IGSF3: variants seen among roughly 807,000 people sequenced by gnomAD.
The protein encoded by IGSF3 is glu-Trp-Ile EWI motif-containing protein 3.
Under a neutral mutation model 114.4 loss-of-function variants are expected in IGSF3, and 23 were observed. The ratio of observed to expected loss-of-function variants is 0.20; its 90% CI spans 0.14 to 0.28. The LOEUF is 0.28. Ranked by LOEUF, IGSF3 falls within the 10% of genes least tolerant of loss-of-function variation. IGSF3 has a pLI of 1.00. For missense variants in IGSF3, 1,172 were observed against 1,591.5 expected, an observed-to-expected ratio of 0.74 and a Z score of 4.48; for synonymous variants, 571 against 645.2, an observed-to-expected ratio of 0.88 and a Z score of 1.74.
At chr1:116,623,614 G>A (rs903411937) in intron 2 of IGSF3, among the ~76,000 whole-genome samples, 42 of 152,196 alleles carry the variant, frequency 2.8e-4, no homozygotes, top group African/African-American at 9.2e-4. Context: ...GGAGGTTGCA[G>A]CAAGCCGAGA....
chr1:116,609,039 T>C (rs918480203), intron 4 of IGSF3, among the ~76,000 whole-genome samples: 1 of 151,914 alleles, frequency 6.6e-6, no homozygotes, highest in Non-Finnish European at 1.5e-5. Flanking sequence ...AAGTACTTAC[T>C]TTAGTAGGAA....
intron 9 of IGSF3, among the ~76,000 whole-genome samples, chr1:116,581,874 C>A (rs758296398): frequency 1.3e-5 from 2 of 152,310 alleles, no homozygotes; most frequent in Non-Finnish European, 2.9e-5. Flanking sequence ...GAGCCCCCCA[C>A]CCCATGCTTT....
chr1:116,666,196 G>T, intron 2 of IGSF3, 88 bp downstream of exon 2: 1 of 1,278,988 alleles, frequency 7.8e-7, no homozygotes, highest in Non-Finnish European at 1.1e-6. Context: ...AAATCCTAGT[G>T]TTGATGAAAA....
At chr1:116,587,207 T>C (rs1405053520) in intron 8 of IGSF3, among the ~76,000 whole-genome samples, 1 of 151,842 alleles carries the variant, frequency 6.6e-6, no homozygotes, top group African/African-American at 2.4e-5. Context: ...AGAAAACAAA[T>C]GTGTGTGTGT....
At position 116,593,249 on chromosome 1, in the gene IGSF3, A is replaced by T. The variant is rs150367244; in HGVS notation, c.2030-4145T>A. 5.9e-4 allele frequency among the ~76,000 whole-genome samples: 90 copies of T among 152,324 alleles called. 1 individual carries two copies. Among genetic ancestry groups the T allele is most frequent in the African/African-American group, 1.9e-3 (80 of 41,576 alleles). On this transcript the variant is annotated intron_variant, in intron 7 of 10. Transcript: ENST00000369486. This position sits in a 1 kb window ranked among gnomAD's most constrained non-coding sequence, Gnocchi z 4.5. ...CAACCTGCAGTCTCATGAGCCCTCC[A>T]ATTGATTCTGATGCACATTCAAGTT...
chr1:116,591,042 C>T (rs1005854880), intron 7 of IGSF3, among the ~76,000 whole-genome samples: 12 of 150,422 alleles, frequency 8.0e-5, no homozygotes, highest in Non-Finnish European at 1.5e-4. Context: ...CTGTGTGCCA[C>T]GGCCCCACCC....
Position 116,646,305 on chromosome 1 carries a change from G to A in IGSF3, c.43+19979C>T, listed in dbSNP as rs144784443. ...TCTTTTGTCCGGCTTCTGGTGAAAC[G>A]CCATTATCGTTATTTTTAGGAGGAA... On this transcript the variant is annotated intron_variant, in intron 2 of 10. Coordinates refer to ENST00000369486, the MANE Select transcript of IGSF3 (RefSeq NM_001007237.3). 2.6e-3 allele frequency among the ~76,000 whole-genome samples: 396 copies of A among 152,272 alleles called. 1 individual carries two copies. Among genetic ancestry groups the A allele is most frequent in the African/African-American group, 8.4e-3 (347 of 41,556 alleles).
At chr1:116,667,536 T>TCCCCGCC (rs1649392229) in intron 1 of IGSF3, 82 bp downstream of exon 1, 1 of 99,762 alleles carries the variant, frequency 1.0e-5, no homozygotes, top group African/African-American at 3.7e-5. Flanking sequence ...CACTCCCCGC[T>TCCCCGCC]CCCCGCTCCC....
rs564731580 is a variant in IGSF3, at chr1:116,628,974, C to T, written c.44-12517G>A. 5.3e-5 allele frequency among the ~76,000 whole-genome samples: 8 copies of T among 152,280 alleles called. No individual in the cohort carries two copies. The South Asian group carries it at 1.7e-3, about 32-fold the overall frequency. On this transcript the variant is annotated intron_variant, in intron 2 of 10. Transcript: ENST00000369486. The surrounding 1 kb of genome is among the most constrained non-coding windows in gnomAD (Gnocchi z 4.2). ...GAAGTAGAGACTAATTCTGCAGCAG[C>T]CCAGAGAAGACAACTGGGAAACAGG...
rs2101042694 is a variant in IGSF3 at position 116,633,314 on chromosome 1, GA to G, written c.44-16858del. ...ATCAACCATTCCAGGAAGTCCAGCA[GA>G]GTTGGTTTTGGTTTGGGGGTGTTTT... is the stretch of plus-strand genomic sequence containing the variant. On this transcript the variant is annotated intron_variant, in intron 2 of 10. Transcript: ENST00000369486. This position sits in a 1 kb window ranked among gnomAD's most constrained non-coding sequence, Gnocchi z 4.3. Among the ~76,000 whole-genome samples, 1 of 152,356 alleles carries G rather than the reference GA, an allele frequency of 6.6e-6. No homozygotes were observed. The highest frequency in any genetic ancestry group is 2.4e-5 in the African/African-American group (1 of 41,580).
chr1:116,615,440 G>A lies in IGSF3; in HGVS notation c.421+640C>T, dbSNP rs1165919991. Among the ~76,000 whole-genome samples the A allele has an allele frequency of 1.3e-5, 2 of 152,220 alleles. No individual in the cohort carries two copies. The highest frequency in any genetic ancestry group is 6.5e-5 in the Admixed American group (1 of 15,284). Reference sequence around the variant, plus strand: ...TGTGATAATAAAAACTGGACATTAAGATAGGCAGAAAAACAGAACAGCCTT... The same window carrying A: ...TGTGATAATAAAAACTGGACATTAAAATAGGCAGAAAAACAGAACAGCCTT... On this transcript the variant is annotated intron_variant, in intron 3 of 10. Transcript: ENST00000369486. This position sits in a 1 kb window ranked among gnomAD's most constrained non-coding sequence, Gnocchi z 4.3.
chr1:116,603,773 T>C lies in IGSF3; in HGVS notation c.1475A>G (p.Asn492Ser), dbSNP rs1391553410. Residue 492 changes from asparagine to serine, a missense_variant, in exon 6 of 11, where the codon AAC becomes AGC. Transcript: ENST00000369486. This position sits in a 1 kb window ranked among gnomAD's most constrained non-coding sequence, Gnocchi z 7.1. ...GTTGAAGATGCCCAGGCTGAACGAG[T>C]TGGGCTGCACCTGCTCCATCTGGAC... ...GGVQMEQVQP[N>S]SFSLGIFNSR... 15 of 1,613,820 alleles carry C rather than the reference T, an allele frequency of 9.3e-6. No homozygotes were observed. Among genetic ancestry groups the C allele is most frequent in the East Asian group, 6.7e-5 (3 of 44,896 alleles).
At chr1:116,623,553 G>A (rs2101028712) in intron 2 of IGSF3, among the ~76,000 whole-genome samples, 1 of 152,212 alleles carries the variant, frequency 6.6e-6, no homozygotes, top group Middle Eastern at 3.4e-3. Context: ...GGGTGTGATG[G>A]CACACGCTAT....
In IGSF3 at chr1:116,583,112, G is replaced by A. The variant is rs1659669241; in HGVS notation, c.2848+1533C>T. Among the ~76,000 whole-genome samples, 1 of 152,156 alleles carries A rather than the reference G, an allele frequency of 6.6e-6. No homozygotes were observed. The highest frequency in any genetic ancestry group is 6.5e-5 in the Admixed American group (1 of 15,278). ...TTCGCTCCATGCTTTGGTCCCTCAT[G>A]AGTAAAACCTACCACTCAGAGTTAT... On this transcript the variant is annotated intron_variant, in intron 9 of 10. Transcript: ENST00000369486. The surrounding 1 kb of genome is among the most constrained non-coding windows in gnomAD (Gnocchi z 4.5).
In IGSF3 at chr1:116,575,142, C is replaced by T. The variant is rs1042169228; in HGVS notation, c.*2170G>A. 1 of 152,660 alleles carries T rather than the reference C, an allele frequency of 6.6e-6. No homozygotes were observed. Among genetic ancestry groups the T allele is most frequent in the Non-Finnish European group, 1.5e-5 (1 of 68,036 alleles). 9.5% of individuals were successfully genotyped at this position (152,660 alleles called of 1,614,324 possible). ...AGACAGAGGAAACGCCAGTCATCTT[C>T]CCTCATTGACTCAGCCTATAAAGTA... On this transcript the variant is annotated 3_prime_UTR_variant, in exon 11 of 11. Coordinates refer to ENST00000369486, the MANE Select transcript of IGSF3 (RefSeq NM_001007237.3). The surrounding 1 kb of genome is among the most constrained non-coding windows in gnomAD (Gnocchi z 5.6).
At position 116,624,414 on chromosome 1, in the gene IGSF3, T is replaced by C. The variant is rs1227031727; in HGVS notation, c.44-7957A>G. On this transcript the variant is annotated intron_variant, in intron 2 of 10. Coordinates refer to ENST00000369486, the MANE Select transcript of IGSF3 (RefSeq NM_001007237.3). This position sits in a 1 kb window ranked among gnomAD's most constrained non-coding sequence, Gnocchi z 4.9. ...TTTCCTCATCTGTAAAGTGGTATAA[T>C]TGTCACAGCGTTATGGAAGGATTAA... Among the ~76,000 whole-genome samples the C allele has an allele frequency of 6.6e-6, 1 of 152,186 alleles. No homozygotes were observed. The highest frequency in any genetic ancestry group is 1.9e-4 in the East Asian group (1 of 5,188).
chr1:116,626,695 G>A (rs539450398), intron 2 of IGSF3, among the ~76,000 whole-genome samples: 21 of 152,074 alleles, frequency 1.4e-4, no homozygotes, highest in Middle Eastern at 6.8e-3. Context: ...CCCACTTCCC[G>A]CCCTTCTATT....
At chr1:116,639,432 C>T (rs1647982387) in intron 2 of IGSF3, among the ~76,000 whole-genome samples, 1 of 152,184 alleles carries the variant, frequency 6.6e-6, no homozygotes, top group African/African-American at 2.4e-5. Context: ...TCAGGCCTGT[C>T]CTCCCTACTC....
Position 116,596,449 on chromosome 1 carries a change from A to T in IGSF3, c.2029+3492T>A, listed in dbSNP as rs2101405089. 6.6e-6 allele frequency among the ~76,000 whole-genome samples: 1 copy of T among 152,306 alleles called. No individual in the cohort carries two copies. The highest frequency in any genetic ancestry group is 2.1e-4 in the South Asian group (1 of 4,828). On this transcript the variant is annotated intron_variant, in intron 7 of 10. Coordinates refer to ENST00000369486, the MANE Select transcript of IGSF3 (RefSeq NM_001007237.3). The surrounding 1 kb of genome is among the most constrained non-coding windows in gnomAD (Gnocchi z 4.1). ...TCTGGTATCCGCAAGTCTTAGAGCCACCTTGTGGCAGAAGCTGGAAGAATC... is the reference window on the plus strand; with the variant it reads ...TCTGGTATCCGCAAGTCTTAGAGCCTCCTTGTGGCAGAAGCTGGAAGAATC...
Sources: gnomAD v4.1 joint callset for allele counts (sites outside exome capture counted in the v4.1 genomes callset) on GRCh38, gnomAD v4.1.1 for gene constraint, Gnocchi (gnomAD v3.1) non-coding constraint, MANE v1.5 for transcripts, NCBI Gene and HGNC (gene_info 2026-07-23, HGNC 2026-07-21) for gene names.